DHRS3: variants seen among roughly 807,000 people sequenced by gnomAD.
DHRS3 encodes short-chain dehydrogenase/reductase 3.
Under a neutral mutation model 27.2 loss-of-function variants are expected in DHRS3, and 14 were observed. The observed-to-expected ratio is 0.52, with a 90% confidence interval of 0.34 to 0.81. The LOEUF (loss-of-function observed/expected upper bound fraction) is 0.81. Ranked by LOEUF, DHRS3 falls within the 30% of genes least tolerant of loss-of-function variation. The pLI, the probability that DHRS3 is intolerant of heterozygous loss-of-function variation, is 0.01. For missense variants in DHRS3, 322 were observed against 406.2 expected, an observed-to-expected ratio of 0.79 and a Z score of 1.78; for synonymous variants, 165 against 175.9, an observed-to-expected ratio of 0.94 and a Z score of 0.49.
chr1:12,581,424 G>C (rs931981200), intron 1 of DHRS3, among the ~76,000 whole-genome samples: 3 of 152,152 alleles, frequency 2.0e-5, no homozygotes, highest in African/African-American at 7.2e-5. Context: ...CCAGCCTCAA[G>C]GTTCACAGGA....
chr1:12,617,530 A>AAG lies in DHRS3; in HGVS notation c.-183_-182insCT, dbSNP rs1646953320. On this transcript the variant is annotated 5_prime_UTR_variant, in exon 1 of 6. Transcript: ENST00000616661. ...ACCGGGTGAGAAAAAGAAAAAAAAA[A>AAG]AAAAAAAAAAGATAAATTCTCCTCT... 1 of 460,498 alleles carries AAG rather than the reference A, an allele frequency of 2.2e-6. No individual in the cohort carries two copies. The highest frequency in any genetic ancestry group is 3.6e-6 in the Non-Finnish European group (1 of 276,120). 28.5% of individuals were successfully genotyped at this position (460,498 alleles called of 1,614,324 possible).
intron 1 of DHRS3, among the ~76,000 whole-genome samples, chr1:12,615,690 C>G (rs1646939798): frequency 6.6e-6 from 1 of 152,110 alleles, no homozygotes; most frequent in Admixed American, 6.5e-5. Flanking sequence ...TGTCCCAAAC[C>G]CCACGTCCGC....
At chr1:12,600,642 C>T (rs1461379348) in intron 1 of DHRS3, among the ~76,000 whole-genome samples, 1 of 152,136 alleles carries the variant, frequency 6.6e-6, no homozygotes, top group African/African-American at 2.4e-5. Context: ...GCTGTGGGAG[C>T]ACTAAAAGGA....
chr1:12,600,692 A>G (rs1246084924), intron 1 of DHRS3, among the ~76,000 whole-genome samples: 1 of 152,084 alleles, frequency 6.6e-6, no homozygotes, highest in Non-Finnish European at 1.5e-5. Flanking sequence ...ACCCAATATC[A>G]TCTCTGTTCT....
In DHRS3 at chr1:12,579,344, A is replaced by G. The variant is rs1169801607; in HGVS notation, c.408T>C (p.Asp136=). Reference sequence around the variant, plus strand: ...GTTGGGACTTGAGGAGGGCATCATCATCACTGTCCATTAGGCTCTTCCCAT... The same window carrying G: ...GTTGGGACTTGAGGAGGGCATCATCGTCACTGTCCATTAGGCTCTTCCCAT... ...VVHGKSLMDS[D]DDALLKSQHI... is the part of the protein sequence containing the mutation. The change falls in exon 3 of 6, where the codon GAT becomes GAC. Residue 136 remains aspartate (D), a synonymous_variant. Coordinates refer to ENST00000616661, the MANE Select transcript of DHRS3 (RefSeq NM_004753.7). 3 of 1,614,146 alleles carry G rather than the reference A, an allele frequency of 1.9e-6. No homozygotes were observed. The highest frequency in any genetic ancestry group is 2.5e-6 in the Non-Finnish European group (3 of 1,180,016).
chr1:12,582,698 C>G (rs1646654324), intron 1 of DHRS3, among the ~76,000 whole-genome samples: 1 of 152,080 alleles, frequency 6.6e-6, no homozygotes, highest in Admixed American at 6.6e-5. Context: ...CATTGTCATC[C>G]AGGTTCCTTT....
chr1:12,582,019 A>C (rs1210183449), intron 1 of DHRS3, among the ~76,000 whole-genome samples: 1 of 152,144 alleles, frequency 6.6e-6, no homozygotes, highest in African/African-American at 2.4e-5. Context: ...ATATTTTCTT[A>C]CTCTAAAGGT....
chr1:12,570,757 AC>A, intron 5 of DHRS3, among the ~76,000 whole-genome samples: 1 of 152,342 alleles, frequency 6.6e-6, no homozygotes, highest in Middle Eastern at 3.4e-3. Flanking sequence ...CCCCTGATCA[AC>A]TAGGGGCTCC....
At chr1:12,603,102 G>A (rs992831850) in intron 1 of DHRS3, among the ~76,000 whole-genome samples, 2 of 152,232 alleles carry the variant, frequency 1.3e-5, no homozygotes, top group Non-Finnish European at 2.9e-5. Context: ...TAGCTTGTGG[G>A]CACCCCAGAG....
At chr1:12,595,335 C>G (rs1349864271) in intron 1 of DHRS3, among the ~76,000 whole-genome samples, 1 of 151,034 alleles carries the variant, frequency 6.6e-6, no homozygotes, top group East Asian at 2.0e-4. Context: ...GAGGAGCCGC[C>G]AAGCCTCAGC....
chr1:12,603,043 GTC>G (rs1646845996), intron 1 of DHRS3, among the ~76,000 whole-genome samples: 1 of 152,234 alleles, frequency 6.6e-6, no homozygotes, highest in Admixed American at 6.5e-5. Flanking sequence ...TTTGGGCTGA[GTC>G]CCCCTTGGAG....
intron 4 of DHRS3, among the ~76,000 whole-genome samples, chr1:12,577,657 T>C (rs1458996507): frequency 6.6e-6 from 1 of 152,194 alleles, no homozygotes; most frequent in Non-Finnish European, 1.5e-5. Flanking sequence ...AAACCCCGTC[T>C]GTATTAAAAA....
At chr1:12,571,173 G>T (rs1646533205) in intron 5 of DHRS3, among the ~76,000 whole-genome samples, 1 of 152,232 alleles carries the variant, frequency 6.6e-6, no homozygotes, top group African/African-American at 2.4e-5. Flanking sequence ...AGGATCTCCT[G>T]CTGTACTAAG....
chr1:12,583,354 C>CCATCCCT (rs1646662138), intron 1 of DHRS3, among the ~76,000 whole-genome samples: 1 of 110,350 alleles, frequency 9.1e-6, no homozygotes, highest in Non-Finnish European at 2.2e-5. Context: ...CATCCATCCA[C>CCATCCCT]CCACCCATCC....
intron 1 of DHRS3, among the ~76,000 whole-genome samples, chr1:12,601,441 C>T (rs1368972980): frequency 6.6e-6 from 1 of 152,056 alleles, no homozygotes; most frequent in African/African-American, 2.4e-5. Flanking sequence ...TGTGAGCAGC[C>T]CCGTGGCAGA....
Position 12,579,290 on chromosome 1 carries a change from T to C in DHRS3, c.459+3A>G. 6.2e-7 allele frequency: 1 copy of C among 1,614,032 alleles called. No homozygotes were observed. Among genetic ancestry groups the C allele is most frequent in the Non-Finnish European group, 8.5e-7 (1 of 1,179,968 alleles). ...GCTGGCTCTGGCCCCGGATAGCCCT[T>C]ACCCAGAACTGGCCCAGGGTGTTGA... On this transcript the variant is annotated splice_donor_region_variant and intron_variant, in intron 3 of 5. Coordinates refer to ENST00000616661, the MANE Select transcript of DHRS3 (RefSeq NM_004753.7).
intron 3 of DHRS3, 146 bp from the exon 4 acceptor site, chr1:12,579,102 G>T: frequency 8.0e-7 from 1 of 1,251,136 alleles, no homozygotes; most frequent in Non-Finnish European, 1.1e-6. Flanking sequence ...AGGGCTCCCT[G>T]CCCCAGGACA....
chr1:12,602,355 G>A (rs1425490997), intron 1 of DHRS3, among the ~76,000 whole-genome samples: 2 of 124,306 alleles, frequency 1.6e-5, no homozygotes, highest in Non-Finnish European at 3.9e-5. Context: ...GTGAGGCCTC[G>A]GGTGGAAGGG....
chr1:12,597,396 T>C (rs1646806043), intron 1 of DHRS3, among the ~76,000 whole-genome samples: 1 of 152,222 alleles, frequency 6.6e-6, no homozygotes, highest in South Asian at 2.1e-4. Context: ...CCCAGATCTT[T>C]AGCGAGTACT....
Sources: allele counts gnomAD v4.1 joint callset (sites outside exome capture counted in the v4.1 genomes callset), GRCh38; gene constraint gnomAD v4.1.1; transcripts MANE v1.5; gene names NCBI Gene and HGNC (gene_info 2026-07-23, HGNC 2026-07-21).